TENM3: variants seen among roughly 807,000 people sequenced by gnomAD.
TENM3 encodes teneurin-3.
TENM3 carries 63 observed loss-of-function variants against 255.1 expected under a neutral mutation model. The observed-to-expected ratio is 0.25, with a 90% CI of 0.20 to 0.30. The LOEUF (loss-of-function observed/expected upper bound fraction) is 0.30. Ranked by LOEUF, TENM3 falls within the 10% of genes least tolerant of loss-of-function variation. The pLI is 1.00. For synonymous variants in TENM3, 1,306 were observed against 1,322.3 expected, an observed-to-expected ratio of 0.99 and a Z score of 0.27; for missense variants, 2,929 against 3,461.1, an observed-to-expected ratio of 0.85 and a Z score of 3.86.
At chr4:182,434,768 A>G (rs1156765106) in intron 3 of TENM3, among the ~76,000 whole-genome samples, 5 of 152,120 alleles carry the variant, frequency 3.3e-5, no homozygotes, top group African/African-American at 4.8e-5. Context: ...ACACACTACA[A>G]GAGAAAAAAG....
At chr4:181,465,135 G>T in the TENM3 span, among the ~76,000 whole-genome samples, 3 of 151,664 alleles carry the variant, frequency 2.0e-5, no homozygotes, top group African/African-American at 4.8e-5. Context: ...ATTTTCTTAT[G>T]ATGTGAAGGA....
chr4:181,815,503 A>C, the TENM3 span, among the ~76,000 whole-genome samples: 2 of 151,680 alleles, frequency 1.3e-5, no homozygotes, highest in African/African-American at 4.8e-5. Context: ...CGAATGATAC[A>C]TTAACAAAGT....
the TENM3 span, among the ~76,000 whole-genome samples, chr4:181,501,498 C>G: frequency 4.8e-3 from 733 of 152,092 alleles, 5 homozygotes; most frequent in African/African-American, 0.017. Context: ...CCTGCCTCAG[C>G]CTCCCAAGTA....
chr4:182,154,556 A>G (rs1750570431), intron 1 of TENM3, among the ~76,000 whole-genome samples: 1 of 152,192 alleles, frequency 6.6e-6, no homozygotes, highest in South Asian at 2.1e-4. Context: ...GATGCAAGAT[A>G]ATGAAGCCAG....
At chr4:181,970,974 G>T in the TENM3 span, among the ~76,000 whole-genome samples, 28 of 152,064 alleles carry the variant, frequency 1.8e-4, no homozygotes, top group Non-Finnish European at 3.1e-4. Context: ...CAGAGAAGGG[G>T]TCTCACTCTA....
chr4:181,745,824 A>G, the TENM3 span, among the ~76,000 whole-genome samples: 2 of 152,206 alleles, frequency 1.3e-5, no homozygotes, highest in Non-Finnish European at 2.9e-5. Flanking sequence ...ACCCAGAAGC[A>G]CAAAAGGACT....
At position 182,789,335 on chromosome 4, in the gene TENM3, C is replaced by T. The variant is rs776735071; in HGVS notation, c.5547C>T (p.Ile1849=). ...EKVDYDGQGR[I]VSRVFADGKT... ...TAGATTATGACGGACAGGGGAGGAT[C>T]GTGTCTCGGGTCTTTGCTGATGGTA... The change falls in exon 25 of 28, where the codon ATC becomes ATT. Residue 1849 remains isoleucine, a synonymous_variant. Transcript: ENST00000511685. The surrounding 1 kb of genome is among the most constrained non-coding windows in gnomAD (Gnocchi z 4.4). 6.2e-7 allele frequency: 1 copy of T among 1,613,750 alleles called. No individual in the cohort carries two copies. The highest frequency in any genetic ancestry group is 8.5e-7 in the Non-Finnish European group (1 of 1,179,848).
chr4:181,565,768 T>C, the TENM3 span, among the ~76,000 whole-genome samples: 1 of 152,334 alleles, frequency 6.6e-6, no homozygotes. Context: ...GAAAAGTAGA[T>C]TGCAATTAAT....
chr4:181,865,955 G>T, the TENM3 span, among the ~76,000 whole-genome samples: 1 of 152,152 alleles, frequency 6.6e-6, no homozygotes, highest in Admixed American at 6.6e-5. Context: ...TTATAAACCT[G>T]TACAGAATAC....
At chr4:181,950,339 G>A in the TENM3 span, among the ~76,000 whole-genome samples, 4 of 151,930 alleles carry the variant, frequency 2.6e-5, no homozygotes, top group African/African-American at 9.7e-5. Flanking sequence ...GACTCAGCCC[G>A]CCTGCGCCCA....
chr4:181,591,739 A>G, the TENM3 span, among the ~76,000 whole-genome samples: 1 of 152,196 alleles, frequency 6.6e-6, no homozygotes, highest in East Asian at 1.9e-4. Context: ...TTGCACACTC[A>G]ATATGATAAT....
In TENM3 at chr4:182,532,334, G is replaced by T. The variant is rs935307210; in HGVS notation, c.512-68590G>T. On this transcript the variant is annotated intron_variant, in intron 3 of 27. Transcript: ENST00000511685. Reference sequence around the variant, plus strand: ...ATATATGCATATAGTACCTAGAATAGTGACTGACACGTGGTGGCCATTCAG... The same window carrying T: ...ATATATGCATATAGTACCTAGAATATTGACTGACACGTGGTGGCCATTCAG... Among the ~76,000 whole-genome samples the T allele has an allele frequency of 2.6e-5, 4 of 152,140 alleles. No individual in the cohort carries two copies. In the East Asian group the frequency reaches 7.7e-4, roughly 29 times the overall value.
the TENM3 span, among the ~76,000 whole-genome samples, chr4:181,876,853 G>C: frequency 6.6e-6 from 1 of 151,966 alleles, no homozygotes; most frequent in African/African-American, 2.4e-5. Context: ...TCCTTGATTT[G>C]CAAGGTCATA....
the TENM3 span, among the ~76,000 whole-genome samples, chr4:181,646,654 C>A: frequency 2.6e-5 from 4 of 152,150 alleles, no homozygotes; most frequent in South Asian, 6.2e-4. Context: ...TAAATTGAGG[C>A]TCCCAAATGC....
chr4:182,559,283 A>C (rs933028698), intron 3 of TENM3, among the ~76,000 whole-genome samples: 1 of 152,112 alleles, frequency 6.6e-6, no homozygotes, highest in Non-Finnish European at 1.5e-5. Context: ...GGAGAGAATT[A>C]TTTGAATTAA....
At chr4:182,495,241 G>A (rs144914156) in intron 3 of TENM3, among the ~76,000 whole-genome samples, 333 of 152,310 alleles carry the variant, frequency 2.2e-3, no homozygotes, top group African/African-American at 7.4e-3. Context: ...GCTGCAAGTG[G>A]CAGCATTTAA....
intron 1 of TENM3, among the ~76,000 whole-genome samples, chr4:182,149,530 A>G (rs939493279): frequency 2.6e-5 from 4 of 152,062 alleles, no homozygotes; most frequent in Non-Finnish European, 4.4e-5. Flanking sequence ...CTCATAAGTC[A>G]TATGAGTGGA....
intron 22 of TENM3, among the ~76,000 whole-genome samples, chr4:182,758,393 T>G (rs1419402025): frequency 1.3e-5 from 2 of 152,124 alleles, no homozygotes; most frequent in African/African-American, 4.8e-5. Context: ...CTGTCTGTGT[T>G]CAGACACAGC....
rs554267348 is a variant in TENM3 at position 182,359,203 on chromosome 4, G to A, written c.511+12274G>A. On this transcript the variant is annotated intron_variant, in intron 3 of 27. Coordinates refer to ENST00000511685, the MANE Select transcript of TENM3 (RefSeq NM_001080477.4). ...CTCTTTTTTGGTTGTGTCTCTGCCC[G>A]GCTTTGGTATCGGGATGATGCTGGC... 3.8e-4 allele frequency among the ~76,000 whole-genome samples: 58 copies of A among 152,270 alleles called. No homozygotes were observed. The South Asian group carries it at 0.01, about 27-fold the overall frequency.
Sources: allele counts gnomAD v4.1 joint callset (sites outside exome capture counted in the v4.1 genomes callset), GRCh38; gene constraint gnomAD v4.1.1; non-coding constraint Gnocchi (gnomAD v3.1); transcripts MANE v1.5; gene names NCBI Gene and HGNC (gene_info 2026-07-23, HGNC 2026-07-21).